CCDC171: variants seen among roughly 807,000 people sequenced by gnomAD.
CCDC171 encodes the protein coiled-coil domain-containing protein 171.
Under a neutral mutation model 168.2 loss-of-function variants are expected in CCDC171, and 177 were observed. That is an observed-to-expected ratio of 1.05 (90% CI 0.93 to 1.19). CCDC171 has a LOEUF of 1.19. Among genes scored for constraint, CCDC171 ranks in the 50% most tolerant of loss-of-function variants. The pLI, the probability that CCDC171 is intolerant of heterozygous loss-of-function variation, is 0.00. For missense variants in CCDC171, 1,991 were observed against 1,539.0 expected (o/e 1.29, Z -4.91); for synonymous variants, 687 against 540.8 (o/e 1.27, Z -3.75).
At chr9:15,851,605 C>G (rs924209064) in intron 23 of CCDC171, among the ~76,000 whole-genome samples, 2 of 151,784 alleles carry the variant, frequency 1.3e-5, no homozygotes, top group African/African-American at 4.8e-5. Context: ...CTTTTGAAAA[C>G]AACTCACCAG....
the CCDC171 span, among the ~76,000 whole-genome samples, chr9:16,104,965 G>C: frequency 2.5e-4 from 38 of 152,274 alleles, no homozygotes; most frequent in Admixed American, 5.9e-4. Context: ...ACCTACTTAG[G>C]AGTGAAGTAT....
chr9:15,880,408 A>G (rs1012089044), intron 24 of CCDC171, among the ~76,000 whole-genome samples: 26 of 151,934 alleles, frequency 1.7e-4, no homozygotes, highest in African/African-American at 4.1e-4. Context: ...TACAATGTGC[A>G]ATAATTAAAT....
chr9:15,869,803 A>G (rs1309222986), intron 23 of CCDC171, among the ~76,000 whole-genome samples: 2 of 151,820 alleles, frequency 1.3e-5, no homozygotes, highest in African/African-American at 4.8e-5. Flanking sequence ...AAAATTGAAG[A>G]AAGGAAACAA....
intron 3 of CCDC171, among the ~76,000 whole-genome samples, chr9:15,979,692 G>T (rs559721493): frequency 1.3e-5 from 2 of 151,462 alleles, no homozygotes; most frequent in African/African-American, 4.9e-5. Flanking sequence ...TCTGGATTCA[G>T]TTTCCTAGGA....
intron 6 of CCDC171, among the ~76,000 whole-genome samples, chr9:15,597,795 A>G (rs2042492924): frequency 6.6e-6 from 1 of 152,120 alleles, no homozygotes; most frequent in East Asian, 1.9e-4. Flanking sequence ...TTGGTTGGTA[A>G]GCTATTAATT....
At chr9:16,040,979 C>T (rs538169593), upstream of CCDC171, among the ~76,000 whole-genome samples, 3 of 152,126 alleles carry the variant, frequency 2.0e-5, no homozygotes, top group African/African-American at 7.2e-5. Context: ...TGTTTGCAAG[C>T]GTGTGGGTCA....
chr9:15,689,107 A>G (rs771895807), intron 10 of CCDC171, among the ~76,000 whole-genome samples: 2 of 152,238 alleles, frequency 1.3e-5, no homozygotes, highest in African/African-American at 2.4e-5. Context: ...AAACAATTCT[A>G]TTGACAATAA....
intron 3 of CCDC171, among the ~76,000 whole-genome samples, chr9:15,982,008 C>T (rs953630334): frequency 3.3e-5 from 5 of 152,164 alleles, no homozygotes; most frequent in South Asian, 2.1e-4. Context: ...TCTAAGAACC[C>T]GTGATAAAGT....
chr9:16,102,411 A>G, the CCDC171 span, among the ~76,000 whole-genome samples: 7 of 147,520 alleles, frequency 4.7e-5, no homozygotes, highest in Non-Finnish European at 1.0e-4. Context: ...CTAAGTAAAC[A>G]GGTCATCTCA....
At chr9:15,994,521 A>T (rs1225933795) in intron 3 of CCDC171, among the ~76,000 whole-genome samples, 1 of 152,240 alleles carries the variant, frequency 6.6e-6, no homozygotes, top group Non-Finnish European at 1.5e-5. Flanking sequence ...CCAACATGGC[A>T]CACGTATACA....
At chr9:16,018,282 T>G (rs1833081141) in intron 3 of CCDC171, among the ~76,000 whole-genome samples, 2 of 152,158 alleles carry the variant, frequency 1.3e-5, no homozygotes, top group African/African-American at 4.8e-5. Context: ...GCATATAGCA[T>G]TATCCTTAGC....
upstream of CCDC171, among the ~76,000 whole-genome samples, chr9:16,041,974 C>T (rs1440791052): frequency 1.3e-5 from 2 of 152,106 alleles, no homozygotes; most frequent in East Asian, 1.9e-4. Context: ...AATGATGTTC[C>T]CCAAAGCCCG....
chr9:15,632,188 A>G (rs1297057434), intron 7 of CCDC171, among the ~76,000 whole-genome samples: 3 of 146,092 alleles, frequency 2.1e-5, no homozygotes, highest in African/African-American at 7.3e-5. Flanking sequence ...AGGCAGGAGA[A>G]GGAAATAAAG....
At chr9:15,558,232 C>G (rs2038977558) in intron 1 of CCDC171, among the ~76,000 whole-genome samples, 1 of 152,102 alleles carries the variant, frequency 6.6e-6, no homozygotes, top group African/African-American at 2.4e-5. Flanking sequence ...GCTTTGGTAT[C>G]AGGATGATGC....
At chr9:16,103,044 C>T in the CCDC171 span, among the ~76,000 whole-genome samples, 1 of 152,214 alleles carries the variant, frequency 6.6e-6, no homozygotes, top group East Asian at 1.9e-4. Context: ...CAAGCTTTGA[C>T]GCCTGCGTCT....
intron 18 of CCDC171, among the ~76,000 whole-genome samples, chr9:15,774,246 TAAAAAAAAAAAAAA>T (rs56239417): frequency 3.2e-4 from 12 of 38,022 alleles, no homozygotes; most frequent in African/African-American, 9.5e-4. Context: ...ACGCTGTCTT[TAAAAAAAAAAAAAA>T]AAAAAAAAAA....
intron 21 of CCDC171, among the ~76,000 whole-genome samples, chr9:15,792,987 T>C (rs2058347487): frequency 6.6e-6 from 1 of 152,148 alleles, no homozygotes; most frequent in Non-Finnish European, 1.5e-5. Context: ...TAACCTTGAA[T>C]GTAAATGGGC....
At chr9:15,596,925 CT>C (rs1190319078) in intron 6 of CCDC171, among the ~76,000 whole-genome samples, 1 of 152,138 alleles carries the variant, frequency 6.6e-6, no homozygotes, top group Non-Finnish European at 1.5e-5. Context: ...TGAGAGTTCA[CT>C]GATGATTTGG....
chr9:15,594,195 C>G (rs1226870920), intron 6 of CCDC171, 23 bp downstream of exon 6: 2 of 1,187,284 alleles, frequency 1.7e-6, no homozygotes, highest in African/African-American at 1.6e-5. Context: ...TAATCAGTTC[C>G]TTAAATATAT....
Sources: allele counts gnomAD v4.1 joint callset (sites outside exome capture counted in the v4.1 genomes callset), GRCh38; gene constraint gnomAD v4.1.1; transcripts MANE v1.5; gene names NCBI Gene and HGNC (gene_info 2026-07-23, HGNC 2026-07-21).